The following GNG7 variants were observed in gnomAD, a reference collection of about 807,000 sequenced individuals.
The protein encoded by GNG7 is G protein subunit gamma 7, also known as guanine nucleotide-binding protein G(I)/G(S)/G(O) subunit gamma-7.
In GNG7, 1 loss-of-function variant was observed where a neutral mutation model predicts 4.0. The observed-to-expected ratio is 0.25, with a 90% confidence interval of 0.09 to 1.18. The LOEUF (loss-of-function observed/expected upper bound fraction) is 1.18, where lower values mean the gene tolerates loss of function less well. Among genes scored for constraint, GNG7 ranks in the 50% most tolerant of loss-of-function variants. The probability of loss-of-function intolerance (pLI) is 0.50; values close to 1 mark genes in which losing one functional copy is unlikely to be tolerated. For missense variants in GNG7, 86 were observed against 91.9 expected, an observed-to-expected ratio of 0.94 and a Z score of 0.26; for synonymous variants, 34 against 36.9, an observed-to-expected ratio of 0.92 and a Z score of 0.29.
intron 1 of GNG7, among the ~76,000 whole-genome samples, chr19:2,671,570 G>A (rs1983453491): frequency 1.3e-5 from 2 of 151,964 alleles, no homozygotes; most frequent in African/African-American, 4.8e-5. Context: ...ATGTCCAGGG[G>A]TCATGAATTT....
chr19:2,569,042 CAT>C (rs113423564), intron 2 of GNG7, among the ~76,000 whole-genome samples: 22,228 of 151,956 alleles, frequency 0.15, 2,226 homozygotes, highest in East Asian at 0.38. Context: ...AAAGCACAAA[CAT>C]ATACACAGAA....
chr19:2,665,040 A>G (rs1983270400), intron 1 of GNG7, among the ~76,000 whole-genome samples: 2 of 151,550 alleles, frequency 1.3e-5, no homozygotes, highest in South Asian at 2.1e-4. Context: ...GGCTGCACAC[A>G]TTGAAATCCA....
At chr19:2,571,464 C>T (rs73918016) in intron 2 of GNG7, among the ~76,000 whole-genome samples, 8,219 of 151,734 alleles carry the variant, frequency 0.054, 730 homozygotes, top group African/African-American at 0.19. Context: ...CCTGCAGAGG[C>T]GTGGTTAGGC....
rs1453697429 is a variant in GNG7 at position 2,611,283 on chromosome 19, C to A, written c.-78+34941G>T. The A allele has an allele frequency of 6.6e-6, 1 of 152,280 alleles. No individual in the cohort carries two copies. Among genetic ancestry groups the A allele is most frequent in the Non-Finnish European group, 1.5e-5 (1 of 68,116 alleles). The allele number at this position is 152,280 out of a possible 1,614,324, so 9.4% of individuals were successfully genotyped here. ...TGACTTCAGGGGCGAGGAATTCCGC[C>A]TGGCGAGCGTCTAGACTGCGGTGTT... On this transcript the variant is annotated intron_variant, in intron 2 of 4. Coordinates refer to ENST00000382159, the MANE Select transcript of GNG7 (RefSeq NM_052847.3). This position sits in a 1 kb window ranked among gnomAD's most constrained non-coding sequence, Gnocchi z 6.0.
At chr19:2,519,593 C>CA (rs887277900) in intron 4 of GNG7, among the ~76,000 whole-genome samples, 8 of 84,262 alleles carry the variant, frequency 9.5e-5, no homozygotes, top group South Asian at 1.0e-3. Context: ...GCCTCACATG[C>CA]AAAATTTTTT....
rs890079683 is a variant in GNG7, at chr19:2,614,969, T to C, written c.-78+31255A>G. 1.2e-4 allele frequency among the ~76,000 whole-genome samples: 18 copies of C among 152,132 alleles called. No homozygotes were observed. Among genetic ancestry groups the C allele is most frequent in the African/African-American group, 4.3e-4 (18 of 41,434 alleles). On this transcript the variant is annotated intron_variant, in intron 2 of 4. Coordinates refer to ENST00000382159, the MANE Select transcript of GNG7 (RefSeq NM_052847.3). This position sits in a 1 kb window ranked among gnomAD's most constrained non-coding sequence, Gnocchi z 6.0. ...ACTGAGGCAGGAGGCAGGCAGCTGA[T>C]TGTTGAAGGTCACCCCGTAGCCATT...
At chr19:2,659,039 G>A (rs934129184) in intron 1 of GNG7, among the ~76,000 whole-genome samples, 2 of 150,670 alleles carry the variant, frequency 1.3e-5, no homozygotes, top group Admixed American at 6.6e-5. Flanking sequence ...GCACAATCTC[G>A]GCTCACTGCA....
At chr19:2,635,826 GCCCA>G (rs1982293257) in intron 2 of GNG7, among the ~76,000 whole-genome samples, 1 of 151,944 alleles carries the variant, frequency 6.6e-6, no homozygotes, top group South Asian at 2.1e-4. Context: ...CAAGTGATCC[GCCCA>G]CCTCAGCCTC....
intron 2 of GNG7, among the ~76,000 whole-genome samples, chr19:2,623,515 G>C (rs1981935156): frequency 6.6e-6 from 1 of 152,194 alleles, no homozygotes. Context: ...TGAAAAGGAA[G>C]GGAATCCCAA....
chr19:2,558,432 C>T (rs2907333), intron 2 of GNG7, among the ~76,000 whole-genome samples: 3,560 of 151,784 alleles, frequency 0.023, 80 homozygotes, highest in Non-Finnish European at 0.038. Flanking sequence ...TGGGGTTTTG[C>T]CATGTTGCCC....
At chr19:2,525,488 AC>A (rs35965236) in intron 3 of GNG7, among the ~76,000 whole-genome samples, 104,574 of 151,834 alleles carry the variant, frequency 0.69, 36,164 homozygotes, top group South Asian at 0.74. Context: ...GGATGAGGGT[AC>A]CCCCCCACTC....
intron 2 of GNG7, among the ~76,000 whole-genome samples, chr19:2,620,425 A>T (rs1270289080): frequency 1.3e-5 from 2 of 152,052 alleles, no homozygotes; most frequent in Non-Finnish European, 2.9e-5. Flanking sequence ...ATGCACCGGG[A>T]AACCTGCCAC....
At chr19:2,581,626 A>G (rs1251559667) in intron 2 of GNG7, among the ~76,000 whole-genome samples, 2 of 152,092 alleles carry the variant, frequency 1.3e-5, no homozygotes, top group Non-Finnish European at 2.9e-5. Flanking sequence ...CCCTGCAGGG[A>G]TGGGACACCT....
intron 1 of GNG7, among the ~76,000 whole-genome samples, chr19:2,672,132 G>A (rs2144889707): frequency 6.7e-6 from 1 of 149,366 alleles, no homozygotes; most frequent in African/African-American, 2.4e-5. Context: ...CTGCCTGCCA[G>A]GTTCAAGCAA....
At chr19:2,670,572 C>T (rs1050965048) in intron 1 of GNG7, among the ~76,000 whole-genome samples, 5 of 151,714 alleles carry the variant, frequency 3.3e-5, no homozygotes, top group South Asian at 2.1e-4. Context: ...GGCTGTGTGA[C>T]GGGTGTGGAG....
At chr19:2,547,533 G>A (rs902958385) in intron 3 of GNG7, among the ~76,000 whole-genome samples, 25 of 152,202 alleles carry the variant, frequency 1.6e-4, no homozygotes, top group Admixed American at 1.5e-3. Flanking sequence ...GATCATCCAC[G>A]GTGGTGCTCT....
At chr19:2,553,263 C>T (rs567278674) in intron 3 of GNG7, among the ~76,000 whole-genome samples, 2 of 151,000 alleles carry the variant, frequency 1.3e-5, no homozygotes, top group Non-Finnish European at 2.9e-5. Context: ...GTGTGACATC[C>T]AATTAGGTAA....
At chr19:2,648,074 C>A (rs1982715451) in intron 1 of GNG7, among the ~76,000 whole-genome samples, 1 of 145,694 alleles carries the variant, frequency 6.9e-6, no homozygotes, top group Admixed American at 6.9e-5. Flanking sequence ...AGGATAGGAT[C>A]CTAAAACAGA....
intron 1 of GNG7, among the ~76,000 whole-genome samples, chr19:2,660,518 C>T (rs185762740): frequency 6.6e-6 from 1 of 152,328 alleles, no homozygotes; most frequent in Non-Finnish European, 1.5e-5. Context: ...CGCCTGTGAT[C>T]CCAGCACGTT....
Sources: allele counts gnomAD v4.1 joint callset (sites outside exome capture counted in the v4.1 genomes callset), GRCh38; gene constraint gnomAD v4.1.1; non-coding constraint Gnocchi (gnomAD v3.1); transcripts MANE v1.5; gene names NCBI Gene and HGNC (gene_info 2026-07-23, HGNC 2026-07-21).